NCOA6: variants seen among roughly 807,000 people sequenced by gnomAD.
NCOA6 encodes NRC RAP250.
NCOA6 carries 49 observed loss-of-function variants against 171.4 expected under a neutral mutation model. The ratio of observed to expected loss-of-function variants is 0.29; its 90% CI spans 0.23 to 0.36. The LOEUF is 0.36. Among genes scored for constraint, NCOA6 ranks in the 10% least tolerant of loss-of-function variants. The pLI, the probability that NCOA6 is intolerant of heterozygous loss-of-function variation, is 1.00. For synonymous variants in NCOA6, 910 were observed against 927.5 expected (o/e 0.98, Z 0.34); for missense variants, 2,248 against 2,554.5 (o/e 0.88, Z 2.59).
chr20:34,805,020 T>G, intron 1 of NCOA6, among the ~76,000 whole-genome samples: 1 of 151,838 alleles, frequency 6.6e-6, no homozygotes, highest in African/African-American at 2.4e-5. Context: ...GTAACCTCTG[T>G]TCTACTCTCT....
rs1432304939 is a variant in NCOA6 at position 34,750,347 on chromosome 20, G to A, written c.1848C>T (p.Gly616=). ...LSNMQGQPQQ[G]PPSQLMGMHQ... Reference sequence around the variant, plus strand: ...GCATGCCCATCAGCTGAGATGGTGGGCCCTGCTGGGGCTGGCCTTGCATGT... The same window carrying A: ...GCATGCCCATCAGCTGAGATGGTGGACCCTGCTGGGGCTGGCCTTGCATGT... The change falls in exon 9 of 15, where the codon GGC becomes GGT. Residue 616 remains glycine, a synonymous_variant. Transcript: ENST00000359003. 4 of 1,613,926 alleles carry A rather than the reference G, an allele frequency of 2.5e-6. No homozygotes were observed. The African/African-American group carries it at 5.3e-5, about 22-fold the overall frequency.
intron 13 of NCOA6, among the ~76,000 whole-genome samples, chr20:34,730,907 A>G (rs1170764867): frequency 6.6e-6 from 1 of 151,678 alleles, no homozygotes; most frequent in Non-Finnish European, 1.5e-5. Context: ...GGGTTTCACT[A>G]TGTTACCCAG....
intron 14 of NCOA6, among the ~76,000 whole-genome samples, chr20:34,724,217 A>G (rs1989702860): frequency 1.3e-5 from 2 of 152,224 alleles, no homozygotes; most frequent in South Asian, 2.1e-4. Flanking sequence ...TGGTGTATAC[A>G]CTATTCCTGG....
chr20:34,755,015 TG>T (rs1314286569), intron 7 of NCOA6, 147 bp from the exon 8 acceptor site: 1 of 733,710 alleles, frequency 1.4e-6, no homozygotes, highest in African/African-American at 1.8e-5. Context: ...ATAATAAGGT[TG>T]GGAAAGATGG....
intron 4 of NCOA6, among the ~76,000 whole-genome samples, chr20:34,773,310 A>C (rs187601891): frequency 6.6e-6 from 1 of 152,344 alleles, no homozygotes; most frequent in Admixed American, 6.5e-5. Context: ...TCCTCAAAAA[A>C]GATGTTTCCC....
At chr20:34,802,851 C>A (rs1403501023) in intron 1 of NCOA6, among the ~76,000 whole-genome samples, 1 of 152,136 alleles carries the variant, frequency 6.6e-6, no homozygotes, top group East Asian at 1.9e-4. Flanking sequence ...TCTCACCCTG[C>A]TGCCCAGGCT....
intron 10 of NCOA6, among the ~76,000 whole-genome samples, chr20:34,744,347 A>T (rs2076239543): frequency 6.6e-6 from 1 of 152,258 alleles, no homozygotes; most frequent in African/African-American, 2.4e-5. Context: ...ATCAGAAAAG[A>T]TAAAAAGATA....
intron 4 of NCOA6, among the ~76,000 whole-genome samples, chr20:34,772,125 A>T (rs1462579584): frequency 2.0e-5 from 3 of 152,134 alleles, no homozygotes; most frequent in African/African-American, 7.2e-5. Flanking sequence ...CAGGAGTTCA[A>T]GACTAGCGAC....
chr20:34,788,836 T>C (rs534356382), intron 2 of NCOA6, among the ~76,000 whole-genome samples: 1 of 152,104 alleles, frequency 6.6e-6, no homozygotes, highest in Non-Finnish European at 1.5e-5. Context: ...TCCCAGCTAC[T>C]GGGAGGCTAA....
intron 1 of NCOA6, among the ~76,000 whole-genome samples, chr20:34,808,192 A>C (rs76916809): frequency 0.011 from 1,723 of 151,192 alleles, 22 homozygotes; most frequent in African/African-American, 0.023. Context: ...TATGTTGCCC[A>C]GGCTGATCTC....
Position 34,750,528 on chromosome 20 carries a change from A to G in NCOA6, c.1676-9T>C, listed in dbSNP as rs773057757. The G allele has an allele frequency of 6.4e-7, 1 of 1,556,348 alleles. No homozygotes were observed. The highest frequency in any genetic ancestry group is 1.2e-5 in the South Asian group (1 of 82,620). On this transcript the variant is annotated splice_polypyrimidine_tract_variant and intron_variant, in intron 8 of 14. Transcript: ENST00000359003. ...ACCAGCTCCTTGACCACCTTAAAAA[A>G]AAAAAAAGTCACAGTTTCAGAAATA...
At chr20:34,745,648 G>A (rs1355614848) in intron 10 of NCOA6, among the ~76,000 whole-genome samples, 4 of 152,156 alleles carry the variant, frequency 2.6e-5, no homozygotes, top group Non-Finnish European at 5.9e-5. Context: ...TCATTTTCAT[G>A]CCAAAAAGAA....
chr20:34,740,579 G>A lies in NCOA6; in HGVS notation c.5677C>T (p.Pro1893Ser). 2 of 1,614,170 alleles carry A rather than the reference G, an allele frequency of 1.2e-6. No homozygotes were observed. The highest frequency in any genetic ancestry group is 1.7e-6 in the Non-Finnish European group (2 of 1,180,038). Residue 1893 changes from proline to serine, a missense_variant, in exon 11 of 15, where the codon CCT becomes TCT. Physicochemically the swap from Pro to Ser is moderately conservative, Grantham distance 74. Transcript: ENST00000359003. ...APTLLKMTSS[P>S]VGPGTASAGP... ...GCTGAGGCAGTGCCCGGGCCCACAG[G>A]GCTAGAGGTCATTTTTAGCAGAGTG...
intron 7 of NCOA6, among the ~76,000 whole-genome samples, chr20:34,756,550 A>G (rs187294617): frequency 3.3e-5 from 5 of 152,356 alleles, no homozygotes; most frequent in Non-Finnish European, 5.9e-5. Flanking sequence ...ATGGAGATGG[A>G]TAAGTTTTAC....
intron 1 of NCOA6, among the ~76,000 whole-genome samples, chr20:34,804,739 G>A (rs1327342268): frequency 6.6e-6 from 1 of 151,676 alleles, no homozygotes; most frequent in Non-Finnish European, 1.5e-5. Context: ...TATATACATG[G>A]GGTACAGTAT....
intron 1 of NCOA6, among the ~76,000 whole-genome samples, chr20:34,793,804 A>C (rs1601060048): frequency 1.3e-5 from 2 of 152,306 alleles, no homozygotes; most frequent in East Asian, 3.9e-4. Flanking sequence ...ATAGAAAAAA[A>C]TATGCATAGG....
Position 34,715,350 on chromosome 20 carries a change from A to G in NCOA6, c.6164T>C (p.Val2055Ala), listed in dbSNP as rs748282854. 8 of 1,613,726 alleles carry G rather than the reference A, an allele frequency of 5.0e-6. No homozygotes were observed. In the African/African-American group the frequency reaches 8.0e-5, roughly 16 times the overall value. ...SSSTKDITSA[V>A]QSKRRKSK ...CTTGGATTTTCTTCGCTTGGATTGC[A>G]CCGCACTGGTTATGTCTGTGGGGGA... The change falls in exon 15 of 15, where the codon GTG (valine) becomes GCG (alanine). Residue 2055 changes from valine (V) to alanine (A), a missense_variant. Physicochemically the swap from Val to Ala is moderately conservative, Grantham distance 64 (BLOSUM62 0). Around this residue, in one of 7 missense-constraint regions of NCOA6, gnomAD observed 884 missense variants for 941.9 expected, o/e 0.94. Transcript: ENST00000359003.
At chr20:34,755,504 G>C (rs766635445) in intron 7 of NCOA6, among the ~76,000 whole-genome samples, 4 of 152,140 alleles carry the variant, frequency 2.6e-5, no homozygotes, top group Non-Finnish European at 5.9e-5. Context: ...ATTCTGACAG[G>C]TTTGGTACCA....
At chr20:34,765,179 G>A (rs989181212) in intron 5 of NCOA6, among the ~76,000 whole-genome samples, 4 of 151,514 alleles carry the variant, frequency 2.6e-5, no homozygotes, top group Non-Finnish European at 2.9e-5. Context: ...TTGGCTGGGC[G>A]CGATGGCTCA....
Sources: gnomAD v4.1 joint callset for allele counts (sites outside exome capture counted in the v4.1 genomes callset) on GRCh38, gnomAD v4.1.1 for gene constraint, gnomAD v4.1.1 regional missense constraint, MANE v1.5 for transcripts, NCBI Gene and HGNC (gene_info 2026-07-23, HGNC 2026-07-21) for gene names.